NCAM2: variants seen among roughly 807,000 people sequenced by gnomAD.
The protein encoded by NCAM2 is N-CAM-2.
NCAM2 carries 30 observed loss-of-function variants against 98.1 expected under a neutral mutation model. The observed-to-expected ratio is 0.31, with a 90% CI of 0.23 to 0.41. The LOEUF is 0.41. NCAM2 is among the 10% of genes least tolerant of loss of function. The probability of loss-of-function intolerance (pLI) is 1.00; values close to 1 mark genes in which losing one functional copy is unlikely to be tolerated. For synonymous variants in NCAM2, 368 were observed against 342.4 expected, an observed-to-expected ratio of 1.07 and a Z score of -0.83; for missense variants, 867 against 1,005.8, an observed-to-expected ratio of 0.86 and a Z score of 1.87.
chr21:21,083,310 A>G (rs765732857), intron 1 of NCAM2, among the ~76,000 whole-genome samples: 3 of 152,086 alleles, frequency 2.0e-5, no homozygotes, highest in South Asian at 2.1e-4. Context: ...GCTGGTAATT[A>G]TTATTTCCAT....
At chr21:21,000,372 A>G (rs2063996722) in intron 1 of NCAM2, among the ~76,000 whole-genome samples, 1 of 152,214 alleles carries the variant, frequency 6.6e-6, no homozygotes, top group Admixed American at 6.5e-5. Context: ...GAGAAGAAAA[A>G]TGTCTCAGTT....
intron 8 of NCAM2, among the ~76,000 whole-genome samples, 189 bp from the exon 9 acceptor site, chr21:21,373,674 G>T (rs2075969750): frequency 6.6e-6 from 1 of 151,634 alleles, no homozygotes; most frequent in Admixed American, 6.6e-5. Context: ...GAAGCTATGA[G>T]AATGTAAAAA....
chr21:21,531,106 C>A (rs1388000652), intron 16 of NCAM2, among the ~76,000 whole-genome samples: 1 of 152,004 alleles, frequency 6.6e-6, no homozygotes, highest in Admixed American at 6.6e-5. Context: ...CTTTTAATAT[C>A]TTTACACACT....
rs1308598577 is a variant in NCAM2, at chr21:21,507,774, GC to G, written c.2078-1076del. Among the ~76,000 whole-genome samples, 6 of 128,106 alleles carry G rather than the reference GC, an allele frequency of 4.7e-5. No individual in the cohort carries two copies. In the Admixed American group the frequency reaches 5.2e-4, roughly 11 times the overall value. The allele number at this position is 128,106 out of a possible 152,430, so 84.0% of individuals were successfully genotyped here. On this transcript the variant is annotated intron_variant, in intron 15 of 17. Transcript: ENST00000400546. ...CACTGCACTCCAGCCTGGTGACAGA[GC>G]AAGACTCCATCTCAAAAAAAAAAAA...
intron 1 of NCAM2, among the ~76,000 whole-genome samples, chr21:21,247,643 G>A (rs1266216064): frequency 6.6e-6 from 1 of 152,036 alleles, no homozygotes; most frequent in Non-Finnish European, 1.5e-5. Context: ...CTTAACCAGT[G>A]TTTGCTTTAG....
Position 21,092,322 on chromosome 21 carries a change from T to G in NCAM2, c.55+93704T>G, listed in dbSNP as rs2066029902. On this transcript the variant is annotated intron_variant, in intron 1 of 17. Transcript: ENST00000400546. ...TGATTTATGAATTTAAGTAGACTTC[T>G]TATAATATTTTCATTTGGGTGGAGT... 2.0e-5 allele frequency among the ~76,000 whole-genome samples: 3 copies of G among 152,192 alleles called. No individual in the cohort carries two copies. In the South Asian group the frequency reaches 6.2e-4, roughly 32 times the overall value.
chr21:21,478,322 A>G (rs898088596), intron 15 of NCAM2, among the ~76,000 whole-genome samples: 14 of 152,044 alleles, frequency 9.2e-5, no homozygotes, highest in African/African-American at 1.7e-4. Flanking sequence ...ATAGGTACAT[A>G]TATACAGAAA....
At chr21:21,286,530 C>G in intron 4 of NCAM2, 118 bp downstream of exon 4, 1 of 1,125,554 alleles carries the variant, frequency 8.9e-7, no homozygotes. Flanking sequence ...TATTCAACAA[C>G]TATTTTGAGA....
intron 9 of NCAM2, 105 bp downstream of exon 9, chr21:21,374,118 C>A: frequency 9.8e-7 from 1 of 1,018,622 alleles, no homozygotes; most frequent in Non-Finnish European, 1.4e-6. Flanking sequence ...CATTTCAGTA[C>A]TTAATGCATA....
intron 1 of NCAM2, among the ~76,000 whole-genome samples, chr21:21,114,022 G>A (rs988576898): frequency 2.0e-5 from 3 of 152,140 alleles, no homozygotes; most frequent in Non-Finnish European, 4.4e-5. Flanking sequence ...CAATTTTGCT[G>A]TAGCTTGTGT....
At chr21:21,019,236 A>C (rs1345090339) in intron 1 of NCAM2, among the ~76,000 whole-genome samples, 2 of 152,190 alleles carry the variant, frequency 1.3e-5, no homozygotes, top group Non-Finnish European at 2.9e-5. Context: ...TGTATACTTA[A>C]ATATCTAAGT....
chr21:21,281,996 C>G (rs763481581), intron 2 of NCAM2, among the ~76,000 whole-genome samples: 34 of 151,464 alleles, frequency 2.2e-4, no homozygotes, highest in Middle Eastern at 3.3e-3. Context: ...ATACATTTTC[C>G]TTCTTAAAGA....
chr21:21,333,474 C>T (rs2826802), intron 6 of NCAM2, among the ~76,000 whole-genome samples: 22,868 of 152,094 alleles, frequency 0.15, 2,017 homozygotes, highest in East Asian at 0.2. Flanking sequence ...CTATTAATGC[C>T]AACCAAATTA....
chr21:21,011,374 C>G (rs1312403201), intron 1 of NCAM2, among the ~76,000 whole-genome samples: 1 of 151,882 alleles, frequency 6.6e-6, no homozygotes, highest in Non-Finnish European at 1.5e-5. Context: ...CGAGGAGTTG[C>G]AGAAGGAAAA....
At chr21:21,469,403 AGAT>A (rs2146224924) in intron 14 of NCAM2, among the ~76,000 whole-genome samples, 1 of 152,128 alleles carries the variant, frequency 6.6e-6, no homozygotes, top group Non-Finnish European at 1.5e-5. Flanking sequence ...CCTTCAGAAA[AGAT>A]GATTTCAAAA....
chr21:21,349,470 A>G (rs1356171281), intron 8 of NCAM2, among the ~76,000 whole-genome samples: 1 of 152,134 alleles, frequency 6.6e-6, no homozygotes, highest in East Asian at 1.9e-4. Context: ...ACCTTTGTAC[A>G]CTCTGAGTGG....
chr21:21,025,135 G>T (rs1457516487), intron 1 of NCAM2, among the ~76,000 whole-genome samples: 1 of 151,782 alleles, frequency 6.6e-6, no homozygotes, highest in Non-Finnish European at 1.5e-5. Context: ...GCCCAGGCTG[G>T]AGTGCAGTGG....
chr21:21,165,171 T>C (rs1484024834), intron 1 of NCAM2, among the ~76,000 whole-genome samples: 2 of 152,102 alleles, frequency 1.3e-5, no homozygotes, highest in African/African-American at 4.8e-5. Flanking sequence ...ATGGGGCAAA[T>C]AGAAGCCAGA....
intron 9 of NCAM2, among the ~76,000 whole-genome samples, chr21:21,393,462 A>G (rs1228359932): frequency 6.6e-6 from 1 of 152,138 alleles, no homozygotes; most frequent in African/African-American, 2.4e-5. Context: ...TTTTCTTACC[A>G]TACCAAAATT....
Sources: allele counts gnomAD v4.1 joint callset (sites outside exome capture counted in the v4.1 genomes callset), GRCh38; gene constraint gnomAD v4.1.1; transcripts MANE v1.5; gene names NCBI Gene and HGNC (gene_info 2026-07-23, HGNC 2026-07-21).